Variants in PRUNE2 observed in about 807,000 individuals in gnomAD.
PRUNE2 encodes the protein prune homolog 2 with BCH domain, also known as protein prune homolog 2.
Under a neutral mutation model 252.0 loss-of-function variants are expected in PRUNE2, and 164 were observed. The ratio of observed to expected loss-of-function variants is 0.65; its 90% CI spans 0.57 to 0.74. The LOEUF is 0.74. Among genes scored for constraint, PRUNE2 ranks in the 30% least tolerant of loss-of-function variants. The pLI, the probability that PRUNE2 is intolerant of heterozygous loss-of-function variation, is 0.00. For missense variants in PRUNE2, 3,495 were observed against 3,711.0 expected (o/e 0.94, Z 1.51); for synonymous variants, 1,292 against 1,350.2 (o/e 0.96, Z 0.94).
At chr9:76,619,611 A>G (rs1831238002) in intron 17 of PRUNE2, among the ~76,000 whole-genome samples, 1 of 151,652 alleles carries the variant, frequency 6.6e-6, no homozygotes, top group Non-Finnish European at 1.5e-5. Flanking sequence ...AAGATTAAAA[A>G]CTCCAAACAC....
At chr9:76,619,528 T>C (rs755924924) in intron 17 of PRUNE2, 141 bp from the exon 18 acceptor site, 33 of 645,646 alleles carry the variant, frequency 5.1e-5, no homozygotes, top group Non-Finnish European at 8.1e-5. Flanking sequence ...GAACAGATGA[T>C]AAGATTAAGC....
chr9:76,830,998 C>T (rs543009924), intron 4 of PRUNE2, among the ~76,000 whole-genome samples: 29 of 150,478 alleles, frequency 1.9e-4, no homozygotes, highest in African/African-American at 6.4e-4. Flanking sequence ...TGCGTGATCT[C>T]GGCTCTCTGC....
Position 76,700,665 on chromosome 9 carries a change from A to G in PRUNE2, c.8276+2672T>C, listed in dbSNP as rs964259663. 2.0e-5 allele frequency among the ~76,000 whole-genome samples: 3 copies of G among 152,204 alleles called. No individual in the cohort carries two copies. In the East Asian group the frequency reaches 5.8e-4, roughly 29 times the overall value. ...AAAGACAAATCCACTTGAAAGTATA[A>G]TAATTTTTTCTTCTGACTATAAAAG... On this transcript the variant is annotated intron_variant, in intron 9 of 18. Coordinates refer to ENST00000376718, the MANE Select transcript of PRUNE2 (RefSeq NM_015225.3).
chr9:76,654,853 CAT>C (rs1649113346), intron 10 of PRUNE2, among the ~76,000 whole-genome samples: 8 of 152,162 alleles, frequency 5.3e-5, no homozygotes, highest in Admixed American at 5.2e-4. Flanking sequence ...GCTGAGAATA[CAT>C]GATTCAGGAT....
At chr9:76,847,058 G>T (rs1460163512) in intron 3 of PRUNE2, among the ~76,000 whole-genome samples, 1 of 152,146 alleles carries the variant, frequency 6.6e-6, no homozygotes, top group Admixed American at 6.5e-5. Context: ...TGGGCGCGGT[G>T]GCTCACAACT....
Position 76,844,183 on chromosome 9 carries a change from T to C in PRUNE2, c.508+2332A>G, listed in dbSNP as rs546505408. Among the ~76,000 whole-genome samples the C allele has an allele frequency of 5.2e-4, 79 of 152,328 alleles. 1 individual carries two copies. Among genetic ancestry groups the C allele is most frequent in the South Asian group, 8.3e-4 (4 of 4,824 alleles). ...CTTTAGTTCCGTGATATGGTTTGGATGTGTGTCCCCTCCAAATCTCATGTT... is the reference window on the plus strand; with the variant it reads ...CTTTAGTTCCGTGATATGGTTTGGACGTGTGTCCCCTCCAAATCTCATGTT... On this transcript the variant is annotated intron_variant, in intron 4 of 18. Coordinates refer to ENST00000376718, the MANE Select transcript of PRUNE2 (RefSeq NM_015225.3).
intron 1 of PRUNE2, chr9:76,868,908 A>G (rs1245190975): frequency 6.8e-6 from 1 of 147,242 alleles, no homozygotes; most frequent in African/African-American, 2.5e-5. Flanking sequence ...TTCTTTTGTG[A>G]GCCTGTGTTA....
intron 6 of PRUNE2, among the ~76,000 whole-genome samples, chr9:76,799,921 GGCTGTGAGACCCGCT>G (rs1017481136): frequency 9.2e-5 from 14 of 152,262 alleles, no homozygotes; most frequent in African/African-American, 3.4e-4. Flanking sequence ...TAGAAAAAGA[GGCTGTGAGACCCGCT>G]GCTCAAATGC....
chr9:76,643,184 G>A (rs1843278154), intron 12 of PRUNE2, among the ~76,000 whole-genome samples: 2 of 152,290 alleles, frequency 1.3e-5, no homozygotes, highest in South Asian at 4.1e-4. Flanking sequence ...AAGCAGGCGA[G>A]TCTACTGGAG....
chr9:76,671,678 A>C (rs1334965908), intron 9 of PRUNE2, among the ~76,000 whole-genome samples: 3 of 152,152 alleles, frequency 2.0e-5, no homozygotes, highest in Non-Finnish European at 2.9e-5. Flanking sequence ...ATCAAAGGGA[A>C]GCCCATCAGA....
intron 15 of PRUNE2, among the ~76,000 whole-genome samples, chr9:76,632,681 T>G (rs1838215518): frequency 6.6e-6 from 1 of 152,102 alleles, no homozygotes; most frequent in Non-Finnish European, 1.5e-5. Context: ...TCTCTGCCTC[T>G]GGAGTAGCTA....
chr9:76,837,927 A>G (rs1294352554), intron 4 of PRUNE2, among the ~76,000 whole-genome samples: 3 of 151,652 alleles, frequency 2.0e-5, no homozygotes, highest in East Asian at 3.9e-4. Flanking sequence ...GCCTGCCACC[A>G]CGCCCAGCTA....
chr9:76,829,566 T>C (rs2058550111), intron 4 of PRUNE2, among the ~76,000 whole-genome samples: 1 of 152,160 alleles, frequency 6.6e-6, no homozygotes, highest in African/African-American at 2.4e-5. Context: ...ATAGATGCTT[T>C]TGTACTATAT....
intron 6 of PRUNE2, among the ~76,000 whole-genome samples, chr9:76,797,687 C>G (rs571946985): frequency 6.6e-6 from 1 of 151,782 alleles, no homozygotes; most frequent in African/African-American, 2.4e-5. Flanking sequence ...CCCTGCCCCC[C>G]GCAACCAAGT....
chr9:76,626,343 T>C (rs1414420117), intron 16 of PRUNE2, among the ~76,000 whole-genome samples: 1 of 152,146 alleles, frequency 6.6e-6, no homozygotes, highest in Non-Finnish European at 1.5e-5. Flanking sequence ...GTTGTGGGAG[T>C]GGCTGAGATT....
At chr9:76,620,568 G>C (rs1402708282) in intron 17 of PRUNE2, among the ~76,000 whole-genome samples, 1 of 152,128 alleles carries the variant, frequency 6.6e-6, no homozygotes, top group Non-Finnish European at 1.5e-5. Flanking sequence ...TTGCACATAA[G>C]AGGATCCATG....
At chr9:76,820,460 G>C (rs1259246241) in intron 6 of PRUNE2, among the ~76,000 whole-genome samples, 1 of 152,130 alleles carries the variant, frequency 6.6e-6, no homozygotes, top group Non-Finnish European at 1.5e-5. Flanking sequence ...AGCATGCTGT[G>C]TAAGTTACAG....
At chr9:76,738,029 G>A (rs911578943) in intron 6 of PRUNE2, 1 of 152,050 alleles carries the variant, frequency 6.6e-6, no homozygotes, top group Admixed American at 6.6e-5. Flanking sequence ...TTTAAACAAC[G>A]ACTTATTTAA....
chr9:76,905,014 G>A (rs1195306075), intron 1 of PRUNE2, among the ~76,000 whole-genome samples: 2 of 152,142 alleles, frequency 1.3e-5, no homozygotes, highest in Non-Finnish European at 2.9e-5. Context: ...CATAAATTAT[G>A]CATTTCTTTC....
Sources: allele counts gnomAD v4.1 joint callset (sites outside exome capture counted in the v4.1 genomes callset), GRCh38; gene constraint gnomAD v4.1.1; transcripts MANE v1.5; gene names NCBI Gene and HGNC (gene_info 2026-07-23, HGNC 2026-07-21).